ERC2: variants seen among roughly 807,000 people sequenced by gnomAD.
ERC2 encodes the protein ELKS/RAB6-interacting/CAST family member 2.
Under a neutral mutation model 114.8 loss-of-function variants are expected in ERC2, and 42 were observed. The ratio of observed to expected loss-of-function variants is 0.37; its 90% confidence interval spans 0.29 to 0.47. The LOEUF (loss-of-function observed/expected upper bound fraction) is 0.47, where lower values mean the gene tolerates loss of function less well. ERC2 is among the 20% of genes least tolerant of loss of function. The pLI is 0.99. For missense variants in ERC2, 939 were observed against 1,150.7 expected (o/e 0.82, Z 2.66); for synonymous variants, 454 against 425.5 (o/e 1.07, Z -0.82).
intron 15 of ERC2, among the ~76,000 whole-genome samples, chr3:55,705,106 C>A (rs999924872): frequency 3.9e-5 from 6 of 152,040 alleles, no homozygotes; most frequent in African/African-American, 1.4e-4. Flanking sequence ...ATGAATAGGA[C>A]ATGAGGAAAT....
chr3:56,218,861 C>G (rs1265027869), intron 3 of ERC2, among the ~76,000 whole-genome samples: 1 of 152,010 alleles, frequency 6.6e-6, no homozygotes, highest in African/African-American at 2.4e-5. Context: ...AAGCTGGAAA[C>G]CATCATTCTC....
At chr3:56,192,504 T>C (rs1337226698) in intron 3 of ERC2, among the ~76,000 whole-genome samples, 1 of 152,156 alleles carries the variant, frequency 6.6e-6, no homozygotes, top group African/African-American at 2.4e-5. Flanking sequence ...CTGTGGGGCA[T>C]ATTATTATCC....
chr3:55,918,893 T>C (rs1456685638), intron 13 of ERC2, among the ~76,000 whole-genome samples: 1 of 151,388 alleles, frequency 6.6e-6, no homozygotes, highest in Non-Finnish European at 1.5e-5. Flanking sequence ...CCAGTAAGTT[T>C]GGGGTGTTCT....
At chr3:55,684,662 G>A (rs571549609) in intron 16 of ERC2, among the ~76,000 whole-genome samples, 12 of 152,350 alleles carry the variant, frequency 7.9e-5, no homozygotes, top group African/African-American at 2.9e-4. Flanking sequence ...TTGTTGAAAA[G>A]TGTTTCGAAA....
At chr3:55,873,012 T>C (rs1171553702) in intron 14 of ERC2, among the ~76,000 whole-genome samples, 1 of 152,124 alleles carries the variant, frequency 6.6e-6, no homozygotes, top group African/African-American at 2.4e-5. Flanking sequence ...ATTGACACTG[T>C]CATCTAATGA....
At chr3:55,991,309 G>C (rs1319794265) in intron 11 of ERC2, among the ~76,000 whole-genome samples, 2 of 152,156 alleles carry the variant, frequency 1.3e-5, no homozygotes, top group African/African-American at 4.8e-5. Flanking sequence ...GAACCAATAA[G>C]AAATCTGCAG....
intron 2 of ERC2, among the ~76,000 whole-genome samples, chr3:56,374,696 T>C (rs76066317): frequency 0.035 from 5,272 of 152,210 alleles, 110 homozygotes; most frequent in South Asian, 0.072. Context: ...CACTATTATG[T>C]CATCCTCAAA....
intron 2 of ERC2, among the ~76,000 whole-genome samples, chr3:56,333,413 T>C (rs1376370854): frequency 1.3e-5 from 2 of 152,272 alleles, no homozygotes; most frequent in Admixed American, 1.3e-4. Context: ...GCTAACTTTG[T>C]GGACTATGAA....
At chr3:56,342,942 T>C (rs937321292) in intron 2 of ERC2, among the ~76,000 whole-genome samples, 1 of 152,082 alleles carries the variant, frequency 6.6e-6, no homozygotes, top group Non-Finnish European at 1.5e-5. Flanking sequence ...CTGATGAAGT[T>C]CAAGCCCCTC....
At chr3:56,078,741 T>C (rs1470848903) in intron 7 of ERC2, among the ~76,000 whole-genome samples, 1 of 152,078 alleles carries the variant, frequency 6.6e-6, no homozygotes, top group Non-Finnish European at 1.5e-5. Context: ...TCAACAAATA[T>C]TTATTAAGCA....
intron 16 of ERC2, among the ~76,000 whole-genome samples, chr3:55,693,117 A>C (rs1357870500): frequency 6.6e-6 from 1 of 152,240 alleles, no homozygotes; most frequent in Admixed American, 6.5e-5. Context: ...AGAAAGCACC[A>C]AGGATTACTA....
intron 14 of ERC2, among the ~76,000 whole-genome samples, chr3:55,778,559 A>G (rs1369140697): frequency 6.6e-6 from 1 of 151,986 alleles, no homozygotes; most frequent in African/African-American, 2.4e-5. Context: ...TCTGTGTGGC[A>G]AAAAACAGCT....
chr3:55,668,139 A>G (rs1415775734), intron 17 of ERC2, among the ~76,000 whole-genome samples: 2 of 152,162 alleles, frequency 1.3e-5, no homozygotes, highest in Admixed American at 1.3e-4. Flanking sequence ...ATATATATGT[A>G]TCTCACTATT....
chr3:56,303,112 A>G (rs1434107734), intron 2 of ERC2, among the ~76,000 whole-genome samples: 1 of 152,222 alleles, frequency 6.6e-6, no homozygotes, highest in Admixed American at 6.5e-5. Context: ...GGCAAACTCC[A>G]TTCTCCACTG....
intron 3 of ERC2, among the ~76,000 whole-genome samples, chr3:56,198,232 C>T (rs9839130): frequency 0.88 from 134,625 of 152,270 alleles, 60,763 homozygotes; most frequent in East Asian, 1. Flanking sequence ...GGTCTTGCTC[C>T]TCAGCTCCTT....
At chr3:55,847,384 C>G (rs1559756194) in intron 14 of ERC2, among the ~76,000 whole-genome samples, 1 of 152,144 alleles carries the variant, frequency 6.6e-6, no homozygotes, top group East Asian at 1.9e-4. Context: ...AATGGACTAC[C>G]TCATATGAAT....
intron 1 of ERC2, among the ~76,000 whole-genome samples, chr3:56,443,892 C>G (rs1003296874): frequency 1.3e-5 from 2 of 150,180 alleles, no homozygotes; most frequent in South Asian, 4.2e-4. Flanking sequence ...GTTTTAAATA[C>G]TTATTATGAA....
At chr3:55,728,563 G>T (rs1341717076) in intron 15 of ERC2, among the ~76,000 whole-genome samples, 2 of 152,194 alleles carry the variant, frequency 1.3e-5, no homozygotes, top group Non-Finnish European at 2.9e-5. Flanking sequence ...AACCCCTAGA[G>T]GAGCCTGGGA....
chr3:56,200,804 T>C (rs2048364142), intron 3 of ERC2, among the ~76,000 whole-genome samples: 1 of 152,224 alleles, frequency 6.6e-6, no homozygotes, highest in Non-Finnish European at 1.5e-5. Context: ...AAAGAAATTA[T>C]GTCGGTAGCT....
Sources: gnomAD v4.1 joint callset for allele counts (sites outside exome capture counted in the v4.1 genomes callset) on GRCh38, gnomAD v4.1.1 for gene constraint, MANE v1.5 for transcripts, NCBI Gene and HGNC (gene_info 2026-07-23, HGNC 2026-07-21) for gene names.